Variants in SHOC2 observed in about 807,000 individuals in gnomAD.
The protein encoded by SHOC2 is leucine-rich repeat protein SHOC-2.
A neutral mutation model predicts 50.2 loss-of-function variants in SHOC2; 4 were observed. The observed-to-expected ratio is 0.08, with a 90% CI of 0.04 to 0.18. The LOEUF (loss-of-function observed/expected upper bound fraction) is 0.18. Ranked by LOEUF, SHOC2 falls within the 10% of genes least tolerant of loss-of-function variation. The pLI, the probability that SHOC2 is intolerant of heterozygous loss-of-function variation, is 1.00. For missense variants in SHOC2, 388 were observed against 669.6 expected (o/e 0.58, Z 4.64); for synonymous variants, 218 against 244.5 (o/e 0.89, Z 1.01).
intron 1 of SHOC2, among the ~76,000 whole-genome samples, chr10:110,921,406 A>G (rs953338941): frequency 2.0e-5 from 3 of 152,234 alleles, no homozygotes; most frequent in African/African-American, 7.2e-5. Context: ...AGTTTTGTCT[A>G]AGGTTTGTAA....
At chr10:110,948,469 T>G (rs1847290115) in intron 1 of SHOC2, among the ~76,000 whole-genome samples, 5 of 152,178 alleles carry the variant, frequency 3.3e-5, no homozygotes, top group Admixed American at 3.3e-4. Context: ...GAACATTCTT[T>G]AAGACACATT....
At chr10:110,935,214 G>A (rs908192499) in intron 1 of SHOC2, among the ~76,000 whole-genome samples, 1 of 152,162 alleles carries the variant, frequency 6.6e-6, no homozygotes, top group Admixed American at 6.5e-5. Flanking sequence ...CATCACAAAC[G>A]TGAGAAGTAG....
intron 3 of SHOC2, among the ~76,000 whole-genome samples, chr10:110,997,242 T>C (rs1386056509): frequency 6.6e-6 from 1 of 152,208 alleles, no homozygotes; most frequent in Non-Finnish European, 1.5e-5. Flanking sequence ...ATCTCTGTAA[T>C]GTAAAATATT....
chr10:111,010,462 C>T (rs1208028793), intron 8 of SHOC2, among the ~76,000 whole-genome samples: 1 of 152,066 alleles, frequency 6.6e-6, no homozygotes, highest in African/African-American at 2.4e-5. Context: ...ATGTTCTCCT[C>T]ATAGGTGGGA....
intron 1 of SHOC2, among the ~76,000 whole-genome samples, chr10:110,931,907 C>G (rs1846902658): frequency 6.6e-6 from 1 of 152,092 alleles, no homozygotes; most frequent in South Asian, 2.1e-4. Context: ...TTTCCCATTA[C>G]CTTTAAATGA....
intron 1 of SHOC2, among the ~76,000 whole-genome samples, chr10:110,941,513 G>A (rs1847144602): frequency 6.6e-6 from 1 of 151,850 alleles, no homozygotes. Context: ...TGTATTTTTA[G>A]TAGAGACAGG....
At position 110,964,333 on chromosome 10, in the gene SHOC2, T is replaced by G; in HGVS notation, c.-26T>G. The G allele has an allele frequency of 6.2e-7, 1 of 1,609,632 alleles. No individual in the cohort carries two copies. The highest frequency in any genetic ancestry group is 8.5e-7 in the Non-Finnish European group (1 of 1,177,800). On this transcript the variant is annotated 5_prime_UTR_variant, in exon 2 of 9. It removes the in-frame stop codon of an upstream open reading frame in the 5' UTR. Coordinates refer to ENST00000369452, the MANE Select transcript of SHOC2 (RefSeq NM_007373.4). The surrounding 1 kb of genome is among the most constrained non-coding windows in gnomAD (Gnocchi z 4.9). ...TACTGGAAAATAAAAGGAGTTCATG[T>G]AGTTTTTGTCCAGGCTTGAGTCACC...
chr10:110,978,525 C>T (rs1462504941), intron 2 of SHOC2, among the ~76,000 whole-genome samples: 10 of 152,056 alleles, frequency 6.6e-5, no homozygotes, highest in African/African-American at 2.2e-4. Flanking sequence ...ATGTTATAGC[C>T]CTTTTGGAAT....
Position 111,009,395 on chromosome 10 carries a change from A to G in SHOC2, c.1422+10A>G, listed in dbSNP as rs1249653995. The G allele has an allele frequency of 6.2e-7, 1 of 1,602,906 alleles. No homozygotes were observed. Among genetic ancestry groups the G allele is most frequent in the African/African-American group, 1.3e-5 (1 of 74,688 alleles). ...TCTTAAGGATTTACAGGTAAACATT[A>G]TGCTGATTTTGTAGTTTTATAAAGT... On this transcript the variant is annotated intron_variant, in intron 7 of 8. Coordinates refer to ENST00000369452, the MANE Select transcript of SHOC2 (RefSeq NM_007373.4).
intron 3 of SHOC2, among the ~76,000 whole-genome samples, chr10:110,995,908 A>T (rs2134162641): frequency 6.6e-6 from 1 of 152,222 alleles, no homozygotes; most frequent in Admixed American, 6.5e-5. Context: ...TCTTTCTAAG[A>T]TTAACTTTTT....
intron 1 of SHOC2, among the ~76,000 whole-genome samples, chr10:110,934,276 CT>C (rs1846959747): frequency 6.6e-6 from 1 of 152,024 alleles, no homozygotes; most frequent in Non-Finnish European, 1.5e-5. Flanking sequence ...CATTATATAT[CT>C]TGGTGAAAAC....
At chr10:111,005,813 A>G (rs991297479) in intron 5 of SHOC2, among the ~76,000 whole-genome samples, 4 of 152,246 alleles carry the variant, frequency 2.6e-5, no homozygotes, top group Non-Finnish European at 5.9e-5. Context: ...CATAGCTGAT[A>G]GTATTCTTCC....
chr10:111,009,666 T>A, intron 7 of SHOC2, 47 bp from the exon 8 acceptor site: 1 of 1,153,410 alleles, frequency 8.7e-7, no homozygotes, highest in Non-Finnish European at 1.3e-6. Flanking sequence ...TTACATTAAA[T>A]GTAGGAAATA....
chr10:110,978,064 A>C (rs959558818), intron 2 of SHOC2, among the ~76,000 whole-genome samples: 7 of 152,178 alleles, frequency 4.6e-5, no homozygotes, highest in African/African-American at 1.4e-4. Flanking sequence ...GTTTGCCCTA[A>C]CTTAGTAATA....
intron 3 of SHOC2, among the ~76,000 whole-genome samples, chr10:110,990,437 G>A (rs1403307492): frequency 6.6e-6 from 1 of 152,082 alleles, no homozygotes; most frequent in Non-Finnish European, 1.5e-5. Flanking sequence ...AGGTTTGTGA[G>A]TGCACCAATC....
intron 1 of SHOC2, among the ~76,000 whole-genome samples, chr10:110,950,946 CA>C (rs996961396): frequency 1.3e-5 from 2 of 151,924 alleles, no homozygotes; most frequent in African/African-American, 4.8e-5. Flanking sequence ...CAGAAGAAAA[CA>C]AAGGGAAAAG....
At chr10:110,936,676 C>T in intron 1 of SHOC2, 1 of 890,152 alleles carries the variant, frequency 1.1e-6, no homozygotes, top group Non-Finnish European at 1.7e-6. Flanking sequence ...CAGTTTTCTT[C>T]TCCATGTTCC....
At chr10:110,929,364 A>G (rs1337426443) in intron 1 of SHOC2, among the ~76,000 whole-genome samples, 3 of 152,154 alleles carry the variant, frequency 2.0e-5, no homozygotes, top group Non-Finnish European at 2.9e-5. Context: ...GCTACCTGCA[A>G]ATTACTACGT....
At position 110,936,604 on chromosome 10, in the gene SHOC2, T is replaced by TTTTTTTTTA; in HGVS notation, c.-235+16947_-235+16948insTTTTTTTTA. On this transcript the variant is annotated intron_variant, in intron 1 of 8. Coordinates refer to ENST00000369452, the MANE Select transcript of SHOC2 (RefSeq NM_007373.4). ...TTTTCTTTTCCTTTTTTTTTTTTTT[T>TTTTTTTTTA]AACAGTCTTTATTGGGCTCAGACCA... 34 of 761,756 alleles carry TTTTTTTTTA rather than the reference T, an allele frequency of 4.5e-5. No individual in the cohort carries two copies. The East Asian group carries it at 7.4e-4, about 16-fold the overall frequency. The allele number at this position is 761,756 out of a possible 1,614,324, so 47.2% of individuals were successfully genotyped here.
Sources: gnomAD v4.1 joint callset for allele counts (sites outside exome capture counted in the v4.1 genomes callset) on GRCh38, gnomAD v4.1.1 for gene constraint, Gnocchi (gnomAD v3.1) non-coding constraint, MANE v1.5 for transcripts, NCBI Gene and HGNC (gene_info 2026-07-23, HGNC 2026-07-21) for gene names.